The following ZSCAN5A variants were observed in gnomAD, a reference collection of about 807,000 sequenced individuals.
The protein encoded by ZSCAN5A is zinc finger and SCAN domain containing 5A, also known as zinc finger and SCAN domain-containing protein 5A.
A neutral mutation model predicts 23.7 loss-of-function variants in ZSCAN5A; 12 were observed. That is an observed-to-expected ratio of 0.51 (90% confidence interval 0.32 to 0.82). The LOEUF (loss-of-function observed/expected upper bound fraction) is 0.82. Among genes scored for constraint, ZSCAN5A ranks in the 40% least tolerant of loss-of-function variants. The pLI is 0.03. For synonymous variants in ZSCAN5A, 257 were observed against 239.9 expected (o/e 1.07, Z -0.66); for missense variants, 597 against 617.9 (o/e 0.97, Z 0.36).
At chr19:56,347,230 A>G (rs1287135607) in intron 2 of ZSCAN5A, 1 of 152,276 alleles carries the variant, frequency 6.6e-6, no homozygotes, top group Non-Finnish European at 1.5e-5. Context: ...TTACAGAAAT[A>G]AAGCAGGCAA....
At chr19:56,296,553 G>A (rs1378074281) in intron 2 of ZSCAN5A, 3 of 151,994 alleles carry the variant, frequency 2.0e-5, no homozygotes, top group South Asian at 2.1e-4. Flanking sequence ...TAGCTCTCCT[G>A]TACCAAATGT....
chr19:56,266,681 A>G (rs1045412609), intron 2 of ZSCAN5A: 2 of 151,842 alleles, frequency 1.3e-5, no homozygotes, highest in Middle Eastern at 3.4e-3. Flanking sequence ...GGGTTTCACC[A>G]TGTTACCCAG....
chr19:56,228,260 C>T (rs926823920), intron 2 of ZSCAN5A: 4 of 985,230 alleles, frequency 4.1e-6, no homozygotes, highest in African/African-American at 3.5e-5. Flanking sequence ...ACCTCCTTCC[C>T]GGCTTCTGCC....
chr19:56,259,065 C>T (rs2146834825), intron 2 of ZSCAN5A, among the ~76,000 whole-genome samples: 1 of 152,212 alleles, frequency 6.6e-6, no homozygotes, highest in East Asian at 1.9e-4. Flanking sequence ...AGCCTAACCA[C>T]CCAGCTGAGC....
At chr19:56,360,714 A>T (rs1213814558) in intron 2 of ZSCAN5A, among the ~76,000 whole-genome samples, 1 of 152,114 alleles carries the variant, frequency 6.6e-6, no homozygotes, top group Non-Finnish European at 1.5e-5. Context: ...TGTAAAAAAA[A>T]AATAAAAACT....
At chr19:56,292,200 G>A (rs1023825613) in intron 2 of ZSCAN5A, among the ~76,000 whole-genome samples, 6 of 152,220 alleles carry the variant, frequency 3.9e-5, no homozygotes, top group Non-Finnish European at 7.3e-5. Flanking sequence ...AAAAGTCACT[G>A]TTTGCCACAT....
chr19:56,239,366 A>G (rs1412564838), intron 2 of ZSCAN5A, among the ~76,000 whole-genome samples: 1 of 151,554 alleles, frequency 6.6e-6, no homozygotes, highest in African/African-American at 2.4e-5. Context: ...TCTAATCATG[A>G]CACTCAGTTT....
intron 2 of ZSCAN5A, among the ~76,000 whole-genome samples, chr19:56,329,303 CGTG>C (rs1568754662): frequency 1.6e-4 from 24 of 151,566 alleles, no homozygotes; most frequent in African/African-American, 5.8e-4. Context: ...GAGCCGAGAT[CGTG>C]TCACTGTACT....
At chr19:56,330,275 A>C (rs2041477554) in intron 2 of ZSCAN5A, among the ~76,000 whole-genome samples, 1 of 152,244 alleles carries the variant, frequency 6.6e-6, no homozygotes, top group South Asian at 2.1e-4. Flanking sequence ...TGCTTTTGTG[A>C]ATAGCGCTGC....
At chr19:56,350,489 G>C (rs1382021302) in intron 2 of ZSCAN5A, among the ~76,000 whole-genome samples, 2 of 152,216 alleles carry the variant, frequency 1.3e-5, no homozygotes, top group African/African-American at 4.8e-5. Context: ...AGTTATTTTA[G>C]CCACCCAATA....
chr19:56,327,670 A>C (rs2041447623), intron 2 of ZSCAN5A, among the ~76,000 whole-genome samples: 1 of 151,474 alleles, frequency 6.6e-6, no homozygotes, highest in African/African-American at 2.4e-5. Context: ...TCTAGGTATA[A>C]ATGTATTTTA....
chr19:56,250,237 C>T (rs1433052763), intron 2 of ZSCAN5A, among the ~76,000 whole-genome samples: 1 of 152,190 alleles, frequency 6.6e-6, no homozygotes, highest in Non-Finnish European at 1.5e-5. Context: ...CATCCCCAGA[C>T]AATTTTGAAA....
chr19:56,249,300 C>G (rs2036178191), intron 2 of ZSCAN5A, among the ~76,000 whole-genome samples: 1 of 152,212 alleles, frequency 6.6e-6, no homozygotes, highest in Non-Finnish European at 1.5e-5. Flanking sequence ...CCAAGTCTCA[C>G]TCTGTCACCC....
chr19:56,319,689 A>C, upstream of ZSCAN5A: 13 of 595,616 alleles, frequency 2.2e-5, 1 homozygote, highest in South Asian at 2.6e-4. Flanking sequence ...CTTTGTCCTT[A>C]AAGGAACTTC....
chr19:56,267,728 T>C (rs534404819), intron 2 of ZSCAN5A, among the ~76,000 whole-genome samples: 332 of 152,336 alleles, frequency 2.2e-3, no homozygotes, highest in African/African-American at 6.4e-3. Flanking sequence ...GTGGACCTTA[T>C]GCTTTTAGAT....
At chr19:56,318,331 T>A (rs1416512906), upstream of ZSCAN5A, among the ~76,000 whole-genome samples, 3 of 152,232 alleles carry the variant, frequency 2.0e-5, no homozygotes, top group Non-Finnish European at 4.4e-5. Context: ...TATTGCTTTA[T>A]AAATGCACGT....
chr19:56,249,577 G>A (rs2036200642), intron 2 of ZSCAN5A, among the ~76,000 whole-genome samples: 1 of 152,178 alleles, frequency 6.6e-6, no homozygotes, highest in South Asian at 2.1e-4. Flanking sequence ...CCTGGCCTTA[G>A]ATTTCATCTT....
At chr19:56,248,886 T>A (rs543519489) in intron 2 of ZSCAN5A, among the ~76,000 whole-genome samples, 1 of 151,996 alleles carries the variant, frequency 6.6e-6, no homozygotes, top group Non-Finnish European at 1.5e-5. Context: ...TGCCTGGACA[T>A]ATCACCACCA....
At chr19:56,267,365 A>G (rs191762665) in intron 2 of ZSCAN5A, among the ~76,000 whole-genome samples, 1 of 152,238 alleles carries the variant, frequency 6.6e-6, no homozygotes, top group East Asian at 1.9e-4. Context: ...GAACTGTCAT[A>G]GCAACCCTGT....
Sources: allele counts gnomAD v4.1 joint callset (sites outside exome capture counted in the v4.1 genomes callset), GRCh38; gene constraint gnomAD v4.1.1; transcripts MANE v1.5; gene names NCBI Gene and HGNC (gene_info 2026-07-23, HGNC 2026-07-21).